TMEM25: variants seen among roughly 807,000 people sequenced by gnomAD.
TMEM25 encodes 0610039J01Rik.
TMEM25 carries 36 observed loss-of-function variants against 37.0 expected under a neutral mutation model. That is an observed-to-expected ratio of 0.97 (90% CI 0.75 to 1.28). The LOEUF (loss-of-function observed/expected upper bound fraction) is 1.28, where lower values mean the gene tolerates loss of function less well. Ranked by LOEUF, TMEM25 falls within the 50% of genes most tolerant of loss-of-function variation. The probability of loss-of-function intolerance (pLI) is 0.00; values close to 1 mark genes in which losing one functional copy is unlikely to be tolerated. For synonymous variants in TMEM25, 197 were observed against 203.7 expected (o/e 0.97, Z 0.28); for missense variants, 444 against 477.9 (o/e 0.93, Z 0.66).
In TMEM25 at chr11:118,535,594, C is replaced by T; in HGVS notation, c.*1014C>T. The T allele has an allele frequency of 1.3e-6, 2 of 1,533,600 alleles. No individual in the cohort carries two copies. Among genetic ancestry groups the T allele is most frequent in the Non-Finnish European group, 1.7e-6 (2 of 1,146,246 alleles). 95.0% of individuals were successfully genotyped at this position (1,533,600 alleles called of 1,614,324 possible). A position where few individuals can be genotyped will look rare whatever the true frequency, so the allele number is the denominator to read the frequency against. ...AGGTGCCCTTCCTGGAGGATGGTCG[C>T]CACAGGCACATAATTCAACAGTGTG... On this transcript the variant is annotated 3_prime_UTR_variant, in exon 9 of 9. Coordinates refer to ENST00000313236, the MANE Select transcript of TMEM25 (RefSeq NM_032780.4).
In TMEM25 at chr11:118,534,622, C is replaced by A. The variant is rs199605481; in HGVS notation, c.*42C>A. On this transcript the variant is annotated 3_prime_UTR_variant, in exon 9 of 9. Coordinates refer to ENST00000313236, the MANE Select transcript of TMEM25 (RefSeq NM_032780.4). This position sits in a 1 kb window ranked among gnomAD's most constrained non-coding sequence, Gnocchi z 4.6. ...GAGTATTCTCTTGGCCTCTGGACAC[C>A]CTCCCGTTCCTCCAAGGCATCCTCT... is the stretch of plus-strand genomic sequence containing the variant. 1.9e-6 allele frequency: 3 copies of A among 1,606,806 alleles called. No homozygotes were observed. Among genetic ancestry groups the A allele is most frequent in the Non-Finnish European group, 2.6e-6 (3 of 1,174,908 alleles).
intron 8 of TMEM25, chr11:118,545,727 G>A: frequency 1.3e-6 from 2 of 1,498,412 alleles, no homozygotes; most frequent in Non-Finnish European, 1.9e-6. Flanking sequence ...GAGTAAACAA[G>A]CCTGTCCAAA....
chr11:118,535,800 C>T lies in TMEM25; in HGVS notation c.*1220C>T. 1 of 1,259,124 alleles carries T rather than the reference C, an allele frequency of 7.9e-7. No individual in the cohort carries two copies. Among genetic ancestry groups the T allele is most frequent in the Non-Finnish European group, 1.0e-6 (1 of 1,003,398 alleles). 78.0% of individuals were successfully genotyped at this position (1,259,124 alleles called of 1,614,324 possible). A position where few individuals can be genotyped will look rare whatever the true frequency, so the allele number is the denominator to read the frequency against. ...ACTGCCTAGGGCGGTGCTGAGCACA[C>T]AGCAAGTTTAATAAACTTGACTGAA... On this transcript the variant is annotated 3_prime_UTR_variant, in exon 9 of 9. Transcript: ENST00000313236.
rs1951636307 is a variant in TMEM25 at position 118,544,849 on chromosome 11, C to T, written c.1028-1270C>T. ...GGCAAGGACATCAAGTAGCTGACAA[C>T]GATCTGTCCATCTCAGCTGGGGCAG... On this transcript the variant is annotated intron_variant, in intron 8 of 8. Transcript: ENST00000354284. The T allele has an allele frequency of 1.5e-5, 17 of 1,135,476 alleles. 1 individual carries two copies. The highest frequency in any genetic ancestry group is 7.7e-5 in the South Asian group (6 of 77,960). The allele number at this position is 1,135,476 out of a possible 1,614,324, so 70.3% of individuals were successfully genotyped here. A position where few individuals can be genotyped will look rare whatever the true frequency, so the allele number is the denominator to read the frequency against.
intron 8 of TMEM25, among the ~76,000 whole-genome samples, chr11:118,541,394 G>A (rs1289330761): frequency 1.8e-4 from 26 of 148,496 alleles, no homozygotes; most frequent in East Asian, 2.0e-4. Context: ...CCTGGGAGGC[G>A]GAGCTTGCAG....
At chr11:118,533,760 G>A (rs578071513) in intron 5 of TMEM25, 97 bp from the exon 6 acceptor site, 2 of 1,597,502 alleles carry the variant, frequency 1.3e-6, no homozygotes, top group African/African-American at 1.3e-5. Context: ...GGGCATTTGA[G>A]AGACCCCTTG....
intron 1 of TMEM25, 26 bp downstream of exon 1, chr11:118,531,260 G>T: frequency 2.6e-6 from 1 of 378,902 alleles, no homozygotes; most frequent in Non-Finnish European, 4.8e-6. Flanking sequence ...GGCGGGGGGC[G>T]GGGGCGGGAT....
chr11:118,533,363 G>C, intron 4 of TMEM25, 57 bp from the exon 5 acceptor site: 4 of 1,608,780 alleles, frequency 2.5e-6, no homozygotes, highest in Non-Finnish European at 3.4e-6. Context: ...AGTACCTATG[G>C]CATGTTGGGG....
chr11:118,537,612 T>A (rs1951527879), downstream of TMEM25, among the ~76,000 whole-genome samples: 1 of 147,578 alleles, frequency 6.8e-6, no homozygotes, highest in African/African-American at 2.5e-5. Flanking sequence ...GACACTTAGG[T>A]TGATTCTGGA....
downstream of TMEM25, chr11:118,535,942 A>G: frequency 1.4e-6 from 1 of 731,634 alleles, no homozygotes; most frequent in Non-Finnish European, 1.7e-6. Context: ...CAGCGGCGCG[A>G]TCTTGGCTCA....
chr11:118,546,222 C>T (rs966796081), exon 9 of TMEM25: 2 of 714,870 alleles, frequency 2.8e-6, no homozygotes, highest in South Asian at 3.0e-5. Context: ...CTTGGTGGGG[C>T]GTGGTGGCTT....
intron 8 of TMEM25, chr11:118,545,893 G>T: frequency 6.3e-7 from 1 of 1,577,156 alleles, no homozygotes; most frequent in Non-Finnish European, 8.7e-7. Flanking sequence ...AAAGGATGGT[G>T]TCAGTGGTCC....
intron 1 of TMEM25, 43 bp downstream of exon 1, chr11:118,531,277 C>T (rs974990683): frequency 3.4e-5 from 12 of 357,664 alleles, no homozygotes; most frequent in Non-Finnish European, 5.7e-5. Context: ...GGATGCTCGG[C>T]GACCCCACCC....
chr11:118,535,671 C>T lies in TMEM25; in HGVS notation c.*1091C>T, dbSNP rs782100944. 26 of 1,481,220 alleles carry T rather than the reference C, an allele frequency of 1.8e-5. No homozygotes were observed. The South Asian group carries it at 2.2e-4, about 12-fold the overall frequency. 91.8% of individuals were successfully genotyped at this position (1,481,220 alleles called of 1,614,324 possible). Reference sequence around the variant, plus strand: ...AAGGAGACCACATACCCCAAAGTGACCTAAGAACACTTTAAAAAGCAACAT... The same window carrying T: ...AAGGAGACCACATACCCCAAAGTGATCTAAGAACACTTTAAAAAGCAACAT... On this transcript the variant is annotated 3_prime_UTR_variant, in exon 9 of 9. Coordinates refer to ENST00000313236, the MANE Select transcript of TMEM25 (RefSeq NM_032780.4).
chr11:118,544,855 G>T, intron 8 of TMEM25: 1 of 1,192,298 alleles, frequency 8.4e-7, no homozygotes, highest in Middle Eastern at 2.1e-4. Flanking sequence ...ACAACGATCT[G>T]TCCATCTCAG....
In TMEM25 at chr11:118,535,721, T is replaced by C; in HGVS notation, c.*1141T>C. 7.1e-7 allele frequency: 1 copy of C among 1,409,676 alleles called. No individual in the cohort carries two copies. Among genetic ancestry groups the C allele is most frequent in the Non-Finnish European group, 9.2e-7 (1 of 1,083,630 alleles). 87.3% of individuals were successfully genotyped at this position (1,409,676 alleles called of 1,614,324 possible). The stretch of plus-strand genomic sequence containing the variant: ...TGTAAATGATTGGAAATTAATATAG[T>C]ACAGAATATATTTTTCCCTTGTTGA... On this transcript the variant is annotated 3_prime_UTR_variant, in exon 9 of 9. Transcript: ENST00000313236.
At position 118,532,280 on chromosome 11, in the gene TMEM25, G is replaced by T; in HGVS notation, c.201G>T (p.Leu67=). 1 of 1,614,200 alleles carries T rather than the reference G, an allele frequency of 6.2e-7. No individual in the cohort carries two copies. The highest frequency in any genetic ancestry group is 8.5e-7 in the Non-Finnish European group (1 of 1,180,036). ...GCACCCCCAGATTGGCCTGGTATCT[G>T]GATGGACAGCTGCAGGAGGCCAGCA... ...GPGTPRLAWY[L]DGQLQEASTS... The change falls in exon 3 of 9, where the codon CTG becomes CTT. Residue 67 remains leucine (L), a synonymous_variant. Coordinates refer to ENST00000313236, the MANE Select transcript of TMEM25 (RefSeq NM_032780.4).
intron 8 of TMEM25, chr11:118,544,868 G>T (rs181628467): frequency 1.5e-5 from 20 of 1,329,436 alleles, no homozygotes; most frequent in Non-Finnish European, 2.2e-5. Flanking sequence ...CATCTCAGCT[G>T]GGGCAGAGGG....
rs200093993 is a variant in TMEM25 at position 118,534,515 on chromosome 11, C to G, written c.1036C>G (p.Arg346Gly). The change falls in exon 9 of 9, where the codon CGC becomes GGC. Residue 346 changes from arginine (R) to glycine (G), a missense_variant. Arg to Gly is a moderately radical substitution (Grantham distance 125). Transcript: ENST00000313236. The surrounding 1 kb of genome is among the most constrained non-coding windows in gnomAD (Gnocchi z 4.6). ...CTTCTTTGATCCCGCAGGTTTCATCCGCCTCCCAGTGCTGGGCTATATCTA... is the reference window on the plus strand; with the variant it reads ...CTTCTTTGATCCCGCAGGTTTCATCGGCCTCCCAGTGCTGGGCTATATCTA... Reference protein sequence around the residue: ...GGLLTSQGFIRLPVLGYIYRV... With the variant: ...GGLLTSQGFIGLPVLGYIYRV... The G allele has an allele frequency of 1.2e-6, 2 of 1,614,178 alleles. No homozygotes were observed. The highest frequency in any genetic ancestry group is 1.7e-6 in the Non-Finnish European group (2 of 1,180,028).
Sources: gnomAD v4.1 joint callset for allele counts (sites outside exome capture counted in the v4.1 genomes callset) on GRCh38, gnomAD v4.1.1 for gene constraint, Gnocchi (gnomAD v3.1) non-coding constraint, MANE v1.5 for transcripts, NCBI Gene and HGNC (gene_info 2026-07-23, HGNC 2026-07-21) for gene names.